SLC35F4: variants seen among roughly 807,000 people sequenced by gnomAD.
SLC35F4 encodes the protein chromosome 14 open reading frame 36.
SLC35F4 carries 24 observed loss-of-function variants against 44.2 expected under a neutral mutation model. The ratio of observed to expected loss-of-function variants is 0.54; its 90% CI spans 0.39 to 0.76. The LOEUF (loss-of-function observed/expected upper bound fraction) is 0.76. SLC35F4 is among the 30% of genes least tolerant of loss of function. The pLI is 0.00. For synonymous variants in SLC35F4, 238 were observed against 223.6 expected, an observed-to-expected ratio of 1.06 and a Z score of -0.57; for missense variants, 562 against 586.1, an observed-to-expected ratio of 0.96 and a Z score of 0.42.
chr14:57,597,003 T>C, intron 1 of SLC35F4: 1 of 692,380 alleles, frequency 1.4e-6, no homozygotes, highest in Non-Finnish European at 2.1e-6. Flanking sequence ...TCTCCAATCC[T>C]GGAAGCGAAA....
At chr14:57,788,935 C>A (rs915979849) in intron 1 of SLC35F4, among the ~76,000 whole-genome samples, 2 of 152,078 alleles carry the variant, frequency 1.3e-5, no homozygotes, top group African/African-American at 4.8e-5. Context: ...GAAATGAAGG[C>A]AGAAATAAAT....
intron 1 of SLC35F4, among the ~76,000 whole-genome samples, chr14:57,617,564 C>T (rs2071917080): frequency 6.6e-6 from 1 of 152,170 alleles, no homozygotes; most frequent in African/African-American, 2.4e-5. Context: ...GTGCTAGGCA[C>T]TATCTTAGGT....
At chr14:57,797,326 G>GT (rs2078076846) in intron 1 of SLC35F4, among the ~76,000 whole-genome samples, 1 of 152,176 alleles carries the variant, frequency 6.6e-6, no homozygotes, top group Admixed American at 6.5e-5. Flanking sequence ...CATTTCCAAT[G>GT]TAGCCAGGCC....
intron 1 of SLC35F4, among the ~76,000 whole-genome samples, chr14:57,881,354 T>C (rs1213510057): frequency 6.6e-6 from 1 of 152,218 alleles, no homozygotes; most frequent in Admixed American, 6.5e-5. Context: ...AGTACTTCCC[T>C]CTACCAGGAT....
At chr14:57,927,431 T>A (rs2141063221) in intron 1 of SLC35F4, among the ~76,000 whole-genome samples, 1 of 152,176 alleles carries the variant, frequency 6.6e-6, no homozygotes, top group South Asian at 2.1e-4. Flanking sequence ...TCTGGAAAAC[T>A]TTTGCCCTCA....
intron 1 of SLC35F4, among the ~76,000 whole-genome samples, chr14:57,805,491 C>T (rs1227019792): frequency 6.6e-6 from 1 of 152,106 alleles, no homozygotes; most frequent in Non-Finnish European, 1.5e-5. Context: ...GAATTGGAAG[C>T]CATTATCCTC....
chr14:57,854,913 A>G (rs1033071091), intron 1 of SLC35F4, among the ~76,000 whole-genome samples: 1 of 152,252 alleles, frequency 6.6e-6, no homozygotes, highest in Admixed American at 6.5e-5. Context: ...AACTTGGACA[A>G]TTTATACTTG....
At chr14:57,836,948 A>G (rs1884993167) in intron 1 of SLC35F4, among the ~76,000 whole-genome samples, 2 of 152,238 alleles carry the variant, frequency 1.3e-5, no homozygotes, top group Non-Finnish European at 2.9e-5. Flanking sequence ...TCACTGTCAT[A>G]TATTAAAAAC....
intron 1 of SLC35F4, among the ~76,000 whole-genome samples, chr14:57,785,455 C>A (rs925542015): frequency 3.3e-5 from 5 of 152,188 alleles, no homozygotes; most frequent in Admixed American, 1.3e-4. Flanking sequence ...CTGTACAGAG[C>A]AGTATGCGGA....
In SLC35F4 at chr14:57,753,319, C is replaced by A. The variant is rs1000088732; in HGVS notation, c.103+112404G>T. On this transcript the variant is annotated intron_variant, in intron 1 of 7. Coordinates refer to ENST00000556826, the MANE Select transcript of SLC35F4 (RefSeq NM_001306087.2). ...GGCTGCCCAGTGATTAGATTCTCCT[C>A]TGGGTTGGATTCCCCAATACTTGGC... 2.0e-5 allele frequency among the ~76,000 whole-genome samples: 3 copies of A among 152,318 alleles called. 1 individual carries two copies.
At chr14:57,630,224 A>G (rs567796898) in intron 1 of SLC35F4, 7 of 559,592 alleles carry the variant, frequency 1.3e-5, no homozygotes, top group Non-Finnish European at 2.5e-5. Flanking sequence ...ACAGTTCTTC[A>G]TGCTATGATG....
chr14:57,944,861 G>T (rs181637006), intron 1 of SLC35F4, among the ~76,000 whole-genome samples: 34 of 152,268 alleles, frequency 2.2e-4, no homozygotes, highest in African/African-American at 6.7e-4. Flanking sequence ...CCACATAAAT[G>T]CCTGATAATC....
intron 1 of SLC35F4, among the ~76,000 whole-genome samples, chr14:57,890,167 A>G (rs1888731063): frequency 6.6e-6 from 1 of 151,182 alleles, no homozygotes; most frequent in African/African-American, 2.4e-5. Flanking sequence ...CCTTCATGAG[A>G]ACAACATGCT....
intron 1 of SLC35F4, among the ~76,000 whole-genome samples, chr14:57,725,347 G>A (rs1594891913): frequency 6.6e-6 from 1 of 152,150 alleles, no homozygotes; most frequent in Non-Finnish European, 1.5e-5. Flanking sequence ...CCCTCGATAT[G>A]GCACCATTCC....
intron 1 of SLC35F4, among the ~76,000 whole-genome samples, chr14:57,891,363 T>G (rs993667759): frequency 6.6e-6 from 1 of 152,128 alleles, no homozygotes; most frequent in Non-Finnish European, 1.5e-5. Flanking sequence ...TACTTTATAT[T>G]CACAAAAGTG....
At chr14:57,714,655 T>C (rs1266626722) in intron 1 of SLC35F4, among the ~76,000 whole-genome samples, 1 of 152,150 alleles carries the variant, frequency 6.6e-6, no homozygotes, top group Admixed American at 6.5e-5. Context: ...AAAGTCTTGC[T>C]AGGCCCTGAG....
chr14:57,953,210 T>C (rs900421256), intron 1 of SLC35F4, among the ~76,000 whole-genome samples: 4 of 152,008 alleles, frequency 2.6e-5, no homozygotes, highest in African/African-American at 7.3e-5. Context: ...AAAACTAAAA[T>C]CCTTTACAGA....
intron 1 of SLC35F4, among the ~76,000 whole-genome samples, chr14:57,914,728 A>G (rs1334409073): frequency 6.6e-6 from 1 of 152,046 alleles, no homozygotes; most frequent in Non-Finnish European, 1.5e-5. Context: ...ATCTCCTTTC[A>G]CTCCATGTCC....
At chr14:57,677,155 G>C (rs142242334) in intron 1 of SLC35F4, among the ~76,000 whole-genome samples, 59 of 152,120 alleles carry the variant, frequency 3.9e-4, no homozygotes, top group African/African-American at 1.3e-3. Context: ...AAGTAGCTCA[G>C]GAATGGAAAA....
Sources: gnomAD v4.1 joint callset for allele counts (sites outside exome capture counted in the v4.1 genomes callset) on GRCh38, gnomAD v4.1.1 for gene constraint, MANE v1.5 for transcripts, NCBI Gene and HGNC (gene_info 2026-07-23, HGNC 2026-07-21) for gene names.